FBXL17: variants seen among roughly 807,000 people sequenced by gnomAD.
The protein encoded by FBXL17 is F-box and leucine rich repeat protein 17.
A neutral mutation model predicts 66.2 loss-of-function variants in FBXL17; 22 were observed. The ratio of observed to expected loss-of-function variants is 0.33; its 90% CI spans 0.24 to 0.47. FBXL17 has a LOEUF of 0.47. FBXL17 is among the 20% of genes least tolerant of loss of function. The pLI is 1.00. For synonymous variants in FBXL17, 474 were observed against 400.5 expected, an observed-to-expected ratio of 1.18 and a Z score of -2.19; for missense variants, 878 against 948.2, an observed-to-expected ratio of 0.93 and a Z score of 0.97.
In FBXL17 at chr5:108,381,160, G is replaced by A. The variant is rs905881550; in HGVS notation, c.532C>T (p.Leu178Phe). 4 of 1,422,040 alleles carry A rather than the reference G, an allele frequency of 2.8e-6. No homozygotes were observed. The Admixed American group carries it at 1.1e-4, about 39-fold the overall frequency. 88.1% of individuals were successfully genotyped at this position (1,422,040 alleles called of 1,614,324 possible). ...GGTGACGGTGTCGGCCCCCGGAAGA[G>A]CTGCACGGCGGCGGGCGGCCCCAGG... is the stretch of plus-strand genomic sequence containing the variant. ...RFLGPPAAVQ[L>F]FRGPTPSPAE... Residue 178 changes from leucine (L) to phenylalanine (F), a missense_variant, in exon 1 of 9, where the codon CTC becomes TTC. By Grantham distance (22) the Leu-to-Phe change is conservative. Around this residue, in one of 4 missense-constraint regions of FBXL17, gnomAD observed 605 missense variants for 509.5 expected, o/e 1.19. Coordinates refer to ENST00000542267, the MANE Select transcript of FBXL17 (RefSeq NM_001163315.3).
Position 107,908,390 on chromosome 5 carries a change from G to T in FBXL17, c.1823-27211C>A, listed in dbSNP as rs375405154. On this transcript the variant is annotated intron_variant, in intron 7 of 8. Transcript: ENST00000542267. ...ACAGATCTACTAGGTTAAGTTTCAG[G>T]CACAATCCTTAGGCCTGGAATACAA... Among the ~76,000 whole-genome samples, 312 of 152,248 alleles carry T rather than the reference G, an allele frequency of 2.0e-3. 2 individuals carry two copies. Among genetic ancestry groups the T allele is most frequent in the African/African-American group, 7.2e-3 (301 of 41,556 alleles).
intron 7 of FBXL17, among the ~76,000 whole-genome samples, chr5:107,895,056 T>C (rs1157433347): frequency 6.6e-6 from 1 of 152,118 alleles, no homozygotes; most frequent in Non-Finnish European, 1.5e-5. Flanking sequence ...TTTTATATTA[T>C]CAGGTTTTAA....
At chr5:108,141,747 C>T (rs966622780) in intron 6 of FBXL17, among the ~76,000 whole-genome samples, 5 of 152,224 alleles carry the variant, frequency 3.3e-5, no homozygotes, top group Non-Finnish European at 7.3e-5. Context: ...TTCTAACACT[C>T]ATCCTCCTGT....
At chr5:108,096,213 G>A (rs1192391647) in intron 6 of FBXL17, among the ~76,000 whole-genome samples, 1 of 152,184 alleles carries the variant, frequency 6.6e-6, no homozygotes, top group East Asian at 1.9e-4. Context: ...TAGGCATGAA[G>A]AGTCCACACA....
chr5:108,054,473 G>C (rs1469584291), intron 6 of FBXL17, among the ~76,000 whole-genome samples: 1 of 152,080 alleles, frequency 6.6e-6, no homozygotes, highest in East Asian at 1.9e-4. Flanking sequence ...TGCATGTGGG[G>C]TATGTATGGC....
chr5:108,335,290 C>G lies in FBXL17; in HGVS notation c.1506+13109G>C, dbSNP rs1430906010. Among the ~76,000 whole-genome samples the G allele has an allele frequency of 2.1e-5, 3 of 139,718 alleles. No individual in the cohort carries two copies. In the East Asian group the frequency reaches 6.3e-4, roughly 30 times the overall value. The allele number at this position is 139,718 out of a possible 152,430, so 91.7% of individuals were successfully genotyped here. A position where few individuals can be genotyped will look rare whatever the true frequency, so the allele number is the denominator to read the frequency against. On this transcript the variant is annotated intron_variant, in intron 4 of 8. Transcript: ENST00000542267. ...TCAGGCATGCAATAAGGAGATTTGC[C>G]AAAAAGCAGGCTTAGAGGATAGTAT...
intron 1 of FBXL17, among the ~76,000 whole-genome samples, chr5:108,370,449 A>T (rs183554228): frequency 6.6e-6 from 1 of 152,294 alleles, no homozygotes; most frequent in Admixed American, 6.5e-5. Context: ...AGAAGTATAG[A>T]ATATCATAAA....
At chr5:108,203,637 A>G (rs2900121) in intron 5 of FBXL17, among the ~76,000 whole-genome samples, 1,772 of 152,296 alleles carry the variant, frequency 0.012, 32 homozygotes, top group African/African-American at 0.04. Context: ...ATATCACTCA[A>G]GCACCTATAA....
intron 7 of FBXL17, among the ~76,000 whole-genome samples, chr5:107,894,159 A>G (rs1749296653): frequency 6.6e-6 from 1 of 152,174 alleles, no homozygotes; most frequent in African/African-American, 2.4e-5. Context: ...CAGGGAGAAC[A>G]TTTCTTGGGT....
At chr5:108,128,294 T>C (rs925153829) in intron 6 of FBXL17, among the ~76,000 whole-genome samples, 33 of 151,196 alleles carry the variant, frequency 2.2e-4, no homozygotes, top group Non-Finnish European at 5.9e-5. Flanking sequence ...TATCAGAAAA[T>C]GTAACCATCT....
At chr5:108,088,700 C>CAAAAAAA (rs57707936) in intron 6 of FBXL17, among the ~76,000 whole-genome samples, 9 of 49,346 alleles carry the variant, frequency 1.8e-4, no homozygotes, top group African/African-American at 4.3e-4. Flanking sequence ...GACTCTATCT[C>CAAAAAAA]AAAAAAAAAA....
chr5:108,050,475 A>G (rs963421887), intron 6 of FBXL17, among the ~76,000 whole-genome samples: 1 of 152,218 alleles, frequency 6.6e-6, no homozygotes, highest in Non-Finnish European at 1.5e-5. Flanking sequence ...CTGAGTAAAT[A>G]ATGAAATTAA....
At chr5:107,957,901 C>T (rs1408486759) in intron 7 of FBXL17, among the ~76,000 whole-genome samples, 4 of 152,074 alleles carry the variant, frequency 2.6e-5, no homozygotes, top group African/African-American at 9.7e-5. Flanking sequence ...ATGACCTGGT[C>T]AATTCTGTGG....
At chr5:107,951,056 T>C (rs1425989288) in intron 7 of FBXL17, among the ~76,000 whole-genome samples, 3 of 152,178 alleles carry the variant, frequency 2.0e-5, no homozygotes, top group Admixed American at 1.3e-4. Context: ...AGAAAGGCTG[T>C]CATCATGTGG....
intron 4 of FBXL17, among the ~76,000 whole-genome samples, chr5:108,340,348 C>T (rs56902538): frequency 0.048 from 7,167 of 148,820 alleles, 573 homozygotes; most frequent in African/African-American, 0.17. Context: ...CCCGGGAGTT[C>T]GAGACCAGCC....
intron 3 of FBXL17, among the ~76,000 whole-genome samples, chr5:108,350,251 A>ACCTCCCC (rs1451879196): frequency 6.6e-6 from 1 of 152,018 alleles, no homozygotes; most frequent in Non-Finnish European, 1.5e-5. Context: ...TCCTCAGATC[A>ACCTCCCC]CCTCCCCATT....
intron 6 of FBXL17, among the ~76,000 whole-genome samples, chr5:108,146,003 G>A (rs1232101091): frequency 6.6e-6 from 1 of 151,982 alleles, no homozygotes; most frequent in East Asian, 1.9e-4. Context: ...CGGATCACGA[G>A]GTCAGGAGAT....
intron 7 of FBXL17, among the ~76,000 whole-genome samples, chr5:107,981,582 T>C (rs777271301): frequency 5.9e-5 from 9 of 152,374 alleles, no homozygotes; most frequent in Non-Finnish European, 1.0e-4. Flanking sequence ...CCGCTTTGAG[T>C]GTCCCACTGG....
At chr5:108,222,602 T>C (rs979401388) in intron 5 of FBXL17, among the ~76,000 whole-genome samples, 5 of 151,522 alleles carry the variant, frequency 3.3e-5, no homozygotes, top group Non-Finnish European at 7.4e-5. Flanking sequence ...TACACTATAC[T>C]AGAATAGTGA....
Sources: gnomAD v4.1 joint callset for allele counts (sites outside exome capture counted in the v4.1 genomes callset) on GRCh38, gnomAD v4.1.1 for gene constraint, gnomAD v4.1.1 regional missense constraint, MANE v1.5 for transcripts, NCBI Gene and HGNC (gene_info 2026-07-23, HGNC 2026-07-21) for gene names.